GABRB2: variants seen among roughly 807,000 people sequenced by gnomAD.
GABRB2 encodes gamma-aminobutyric acid receptor subunit beta-2.
Under a neutral mutation model 54.7 loss-of-function variants are expected in GABRB2, and 16 were observed. The ratio of observed to expected loss-of-function variants is 0.29; its 90% CI spans 0.20 to 0.44. The LOEUF (loss-of-function observed/expected upper bound fraction) is 0.44, where lower values mean the gene tolerates loss of function less well. GABRB2 is among the 20% of genes least tolerant of loss of function. The probability of loss-of-function intolerance (pLI) is 1.00; values close to 1 mark genes in which losing one functional copy is unlikely to be tolerated. For synonymous variants in GABRB2, 244 were observed against 233.8 expected, an observed-to-expected ratio of 1.04 and a Z score of -0.40; for missense variants, 355 against 644.0, an observed-to-expected ratio of 0.55 and a Z score of 4.86.
chr5:161,503,969 T>C (rs1321033609), intron 3 of GABRB2, among the ~76,000 whole-genome samples: 1 of 152,128 alleles, frequency 6.6e-6, no homozygotes, highest in African/African-American at 2.4e-5. Flanking sequence ...AGATGGACTG[T>C]CACAATGACA....
At chr5:161,494,668 G>A (rs1341620809) in intron 3 of GABRB2, among the ~76,000 whole-genome samples, 1 of 151,042 alleles carries the variant, frequency 6.6e-6, no homozygotes, top group African/African-American at 2.4e-5. Context: ...AAATGTGAAG[G>A]GTTTTCTTAA....
At chr5:161,496,498 A>C (rs1463867447) in intron 3 of GABRB2, among the ~76,000 whole-genome samples, 1 of 152,014 alleles carries the variant, frequency 6.6e-6, no homozygotes, top group African/African-American at 2.4e-5. Context: ...CAAATTAAAA[A>C]AGAGAAAAAA....
At chr5:161,305,658 G>A (rs1161336510) in intron 9 of GABRB2, among the ~76,000 whole-genome samples, 14 of 152,192 alleles carry the variant, frequency 9.2e-5, no homozygotes, top group Non-Finnish European at 2.1e-4. Context: ...AGCATTATGG[G>A]TGATGACTTG....
At chr5:161,305,167 C>T (rs1485582870) in intron 9 of GABRB2, among the ~76,000 whole-genome samples, 1 of 151,368 alleles carries the variant, frequency 6.6e-6, no homozygotes, top group Non-Finnish European at 1.5e-5. Context: ...CAGGCGCCCG[C>T]CACCGCGCCC....
intron 5 of GABRB2, among the ~76,000 whole-genome samples, chr5:161,409,250 C>A (rs1345767134): frequency 6.6e-6 from 1 of 152,070 alleles, no homozygotes; most frequent in Non-Finnish European, 1.5e-5. Context: ...AACAAATCAC[C>A]TTACCTCCTT....
intron 3 of GABRB2, among the ~76,000 whole-genome samples, chr5:161,528,684 C>G (rs1478407331): frequency 2.0e-5 from 3 of 151,604 alleles, no homozygotes; most frequent in Non-Finnish European, 3.0e-5. Context: ...AAATACAGAA[C>G]TTGGTTATTA....
chr5:161,454,179 T>C (rs1757878673), intron 4 of GABRB2, among the ~76,000 whole-genome samples: 1 of 152,080 alleles, frequency 6.6e-6, no homozygotes, highest in Non-Finnish European at 1.5e-5. Flanking sequence ...TACAACACAT[T>C]ATTAAATGAA....
chr5:161,312,616 T>C (rs904268430), intron 9 of GABRB2, among the ~76,000 whole-genome samples: 8 of 152,220 alleles, frequency 5.3e-5, no homozygotes, highest in African/African-American at 1.9e-4. Context: ...TCTCTGGGCC[T>C]CAACTTTTTC....
At chr5:161,392,576 G>A (rs1265635684) in intron 5 of GABRB2, among the ~76,000 whole-genome samples, 1 of 152,146 alleles carries the variant, frequency 6.6e-6, no homozygotes, top group Non-Finnish European at 1.5e-5. Flanking sequence ...CCACCACTCT[G>A]TGTAACCTTG....
intron 5 of GABRB2, among the ~76,000 whole-genome samples, chr5:161,343,250 T>C (rs993536665): frequency 2.0e-5 from 3 of 151,956 alleles, no homozygotes; most frequent in African/African-American, 7.2e-5. Flanking sequence ...TTTCTAGACC[T>C]CAAGTAGCTC....
intron 5 of GABRB2, among the ~76,000 whole-genome samples, chr5:161,395,108 A>G (rs1349161572): frequency 2.6e-5 from 4 of 152,176 alleles, no homozygotes; most frequent in African/African-American, 9.6e-5. Context: ...AAGAAAGGAT[A>G]TGATCATCCA....
At chr5:161,537,577 C>CT (rs988287287) in intron 3 of GABRB2, among the ~76,000 whole-genome samples, 66 of 152,260 alleles carry the variant, frequency 4.3e-4, no homozygotes, top group Admixed American at 2.2e-3. Context: ...TTTATATCTT[C>CT]TTTTTTTGCA....
chr5:161,443,467 G>C (rs9313882), intron 4 of GABRB2, among the ~76,000 whole-genome samples: 41,392 of 152,060 alleles, frequency 0.27, 7,110 homozygotes, highest in African/African-American at 0.48. Flanking sequence ...TCTAAGATGC[G>C]TGAGATTTTC....
chr5:161,316,843 T>G (rs1758048461), intron 9 of GABRB2, among the ~76,000 whole-genome samples: 1 of 152,132 alleles, frequency 6.6e-6, no homozygotes, highest in Admixed American at 6.6e-5. Context: ...AACTCCTAAC[T>G]TCAGGTGATC....
rs561764109 is a variant in GABRB2 at position 161,538,283 on chromosome 5, G to T, written c.237+6944C>A. On this transcript the variant is annotated intron_variant, in intron 3 of 9. Transcript: ENST00000393959. ...TATATAAAGCAAAACCACACTGGGA[G>T]AGACACCATAACCTTGTCGTGATGT... 7.2e-5 allele frequency among the ~76,000 whole-genome samples: 11 copies of T among 152,310 alleles called. No homozygotes were observed. In the South Asian group the frequency reaches 2.3e-3, roughly 32 times the overall value.
At chr5:161,520,465 T>C (rs1391517122) in intron 3 of GABRB2, among the ~76,000 whole-genome samples, 1 of 152,166 alleles carries the variant, frequency 6.6e-6, no homozygotes, top group Non-Finnish European at 1.5e-5. Flanking sequence ...TTTTTTATTT[T>C]AGTCTGTTCA....
At chr5:161,336,791 C>T (rs779151237) in intron 5 of GABRB2, 22 bp from the exon 6 acceptor site, 6 of 1,570,956 alleles carry the variant, frequency 3.8e-6, no homozygotes, top group Non-Finnish European at 4.3e-6. Flanking sequence ...AACATACACA[C>T]ACACACACAC....
intron 3 of GABRB2, among the ~76,000 whole-genome samples, chr5:161,470,970 A>G (rs1383946527): frequency 1.3e-5 from 2 of 152,006 alleles, no homozygotes; most frequent in African/African-American, 4.8e-5. Context: ...CATGGGTTTT[A>G]AATGTTGATT....
chr5:161,398,837 G>A (rs910661179), intron 5 of GABRB2, among the ~76,000 whole-genome samples: 6 of 151,986 alleles, frequency 3.9e-5, no homozygotes, highest in Admixed American at 2.6e-4. Flanking sequence ...CTACAGGCGC[G>A]TGCCACCATG....
Sources: allele counts gnomAD v4.1 joint callset (sites outside exome capture counted in the v4.1 genomes callset), GRCh38; gene constraint gnomAD v4.1.1; transcripts MANE v1.5; gene names NCBI Gene and HGNC (gene_info 2026-07-23, HGNC 2026-07-21).